The following AQR variants were observed in gnomAD, a reference collection of about 807,000 sequenced individuals.
The protein encoded by AQR is RNA helicase aquarius.
In AQR, 61 loss-of-function variants were observed where a neutral mutation model predicts 180.5. The ratio of observed to expected loss-of-function variants is 0.34; its 90% CI spans 0.28 to 0.42. The LOEUF (loss-of-function observed/expected upper bound fraction) is 0.42. Among genes scored for constraint, AQR ranks in the 10% least tolerant of loss-of-function variants. The pLI is 1.00. For synonymous variants in AQR, 551 were observed against 588.8 expected (o/e 0.94, Z 0.93); for missense variants, 1,281 against 1,798.3 (o/e 0.71, Z 5.20).
chr15:34,890,346 G>GTGAC, intron 23 of AQR, 22 bp from the exon 24 acceptor site: 1 of 1,594,666 alleles, frequency 6.3e-7, no homozygotes, highest in Admixed American at 1.7e-5. Flanking sequence ...AGCAAGAAGG[G>GTGAC]TGACGGCACC....
chr15:34,894,145 C>A (rs1893195851), intron 22 of AQR, among the ~76,000 whole-genome samples: 1 of 151,822 alleles, frequency 6.6e-6, no homozygotes, highest in African/African-American at 2.4e-5. Context: ...CAGATTCAAG[C>A]AGCTCAGTGA....
At chr15:34,938,671 T>G in intron 9 of AQR, 66 bp downstream of exon 9, 1 of 1,001,496 alleles carries the variant, frequency 1.0e-6, no homozygotes, top group Non-Finnish European at 1.5e-6. Context: ...AGATTAGAGA[T>G]GAGTAAATAC....
Position 34,965,617 on chromosome 15 carries a change from G to A in AQR, c.76-1327C>T, listed in dbSNP as rs145554425. On this transcript the variant is annotated intron_variant, in intron 1 of 34. Coordinates refer to ENST00000156471, the MANE Select transcript of AQR (RefSeq NM_014691.3). ...ACCTGGGAGGTGGAGATTGCAGTGA[G>A]CCAACACCAAGCCACTGCACTCCAG... 7.8e-3 allele frequency among the ~76,000 whole-genome samples: 1,193 copies of A among 152,230 alleles called. 18 individuals are homozygous for A. Among genetic ancestry groups the A allele is most frequent in the African/African-American group, 0.027 (1,139 of 41,514 alleles).
chr15:34,956,696 GAAAAAAAAA>G (rs565202160), intron 3 of AQR, among the ~76,000 whole-genome samples: 2 of 83,370 alleles, frequency 2.4e-5, no homozygotes, highest in South Asian at 1.1e-3. Context: ...TAAGAAGTCA[GAAAAAAAAA>G]AAAAAAAAAA....
In AQR at chr15:34,906,551, C is replaced by G; in HGVS notation, c.1825G>C (p.Glu609Gln). The change falls in exon 18 of 35, where the codon GAA (glutamate) becomes CAA (glutamine). Residue 609 changes from glutamate to glutamine, a missense_variant. Coordinates refer to ENST00000156471, the MANE Select transcript of AQR (RefSeq NM_014691.3). The part of the protein sequence containing the change: ...GMLDDKGRVI[E>Q]DGPEPRPNLR... The stretch of plus-strand genomic sequence containing the variant: ...AAAATATAGGTCACCATACCATCTT[C>G]AATGACACGTCCTTTATCATCCAGC... 1.9e-6 allele frequency: 3 copies of G among 1,613,878 alleles called. No individual in the cohort carries two copies. The highest frequency in any genetic ancestry group is 2.5e-6 in the Non-Finnish European group (3 of 1,179,864).
At chr15:34,888,040 G>A (rs960213399) in intron 24 of AQR, among the ~76,000 whole-genome samples, 2 of 152,140 alleles carry the variant, frequency 1.3e-5, no homozygotes, top group Admixed American at 1.3e-4. Flanking sequence ...GCTCACGCCT[G>A]TAATCCCAGC....
chr15:34,960,398 C>T (rs1237648330), intron 3 of AQR, among the ~76,000 whole-genome samples: 1 of 152,106 alleles, frequency 6.6e-6, no homozygotes, highest in East Asian at 1.9e-4. Context: ...TATTATTATA[C>T]ATTTTATACA....
At chr15:34,890,152 A>G in intron 24 of AQR, 63 bp downstream of exon 24, 5 of 1,374,502 alleles carry the variant, frequency 3.6e-6, no homozygotes, top group Non-Finnish European at 4.0e-6. Context: ...CTTCTTTAAT[A>G]AAAGAAATGA....
At chr15:34,890,941 G>A (rs1242457729) in intron 23 of AQR, among the ~76,000 whole-genome samples, 7 of 151,994 alleles carry the variant, frequency 4.6e-5, no homozygotes, top group Non-Finnish European at 8.8e-5. Context: ...CTGAACTTCC[G>A]CAGTTACAAG....
At chr15:34,957,494 T>A (rs1440422434) in intron 3 of AQR, among the ~76,000 whole-genome samples, 3 of 148,980 alleles carry the variant, frequency 2.0e-5, no homozygotes, top group Non-Finnish European at 4.5e-5. Flanking sequence ...ATCACCTGAG[T>A]TCGGGAGTGA....
intron 1 of AQR, among the ~76,000 whole-genome samples, chr15:34,967,860 C>A (rs1384457770): frequency 6.6e-6 from 1 of 152,162 alleles, no homozygotes; most frequent in African/African-American, 2.4e-5. Context: ...GTTGCCCAGG[C>A]TGGAGTGCAA....
At chr15:34,922,136 C>T (rs1238439355) in intron 13 of AQR, among the ~76,000 whole-genome samples, 1 of 152,082 alleles carries the variant, frequency 6.6e-6, no homozygotes, top group Non-Finnish European at 1.5e-5. Flanking sequence ...TTTTGAATGG[C>T]TGCTTTTACT....
chr15:34,858,269 C>T (rs1182596901), intron 34 of AQR, among the ~76,000 whole-genome samples: 2 of 146,004 alleles, frequency 1.4e-5, no homozygotes. Context: ...CAGGCATAAG[C>T]CACCGCGCCT....
intron 13 of AQR, among the ~76,000 whole-genome samples, chr15:34,922,076 T>C (rs577163432): frequency 1.3e-5 from 2 of 152,332 alleles, no homozygotes; most frequent in South Asian, 4.1e-4. Flanking sequence ...CCTCCCAAAG[T>C]GCTGGGATTA....
At chr15:34,964,865 A>C (rs1029502703) in intron 1 of AQR, among the ~76,000 whole-genome samples, 2 of 152,206 alleles carry the variant, frequency 1.3e-5, no homozygotes, top group African/African-American at 4.8e-5. Flanking sequence ...AATTTAAACA[A>C]ATATATAACT....
chr15:34,958,968 TATAGATATATAGATATAG>T (rs1894371631), intron 3 of AQR, among the ~76,000 whole-genome samples: 1 of 138,598 alleles, frequency 7.2e-6, no homozygotes, highest in Non-Finnish European at 1.5e-5. Context: ...TTACATTACA[TATAGATATATAGATATAG>T]ATATAGATAT....
chr15:34,907,244 C>T (rs957711502), intron 17 of AQR, among the ~76,000 whole-genome samples: 2 of 152,192 alleles, frequency 1.3e-5, no homozygotes, highest in African/African-American at 4.8e-5. Flanking sequence ...TGAATATATA[C>T]AGTTTCAGTT....
intron 15 of AQR, among the ~76,000 whole-genome samples, chr15:34,917,538 AAT>A (rs1442496597): frequency 6.6e-6 from 1 of 152,168 alleles, no homozygotes; most frequent in African/African-American, 2.4e-5. Flanking sequence ...AATAAATGAT[AAT>A]GTCTTTTTTT....
chr15:34,893,810 C>A, intron 22 of AQR, 37 bp from the exon 23 acceptor site: 1 of 1,555,906 alleles, frequency 6.4e-7, no homozygotes, highest in South Asian at 1.1e-5. Context: ...ACTACTAAGT[C>A]ATCACAGTTA....
Sources: allele counts gnomAD v4.1 joint callset (sites outside exome capture counted in the v4.1 genomes callset), GRCh38; gene constraint gnomAD v4.1.1; transcripts MANE v1.5; gene names NCBI Gene and HGNC (gene_info 2026-07-23, HGNC 2026-07-21).